The following CACNA1G variants were observed in gnomAD, a reference collection of about 807,000 sequenced individuals.
CACNA1G encodes voltage-dependent T-type calcium channel subunit alpha-1G.
Under a neutral mutation model 219.4 loss-of-function variants are expected in CACNA1G, and 67 were observed. The observed-to-expected ratio is 0.31, with a 90% CI of 0.25 to 0.37. The LOEUF is 0.37. CACNA1G is among the 10% of genes least tolerant of loss of function. The pLI is 1.00. For synonymous variants in CACNA1G, 1,296 were observed against 1,345.3 expected (o/e 0.96, Z 0.80); for missense variants, 2,380 against 3,231.4 (o/e 0.74, Z 6.39).
Position 50,575,991 on chromosome 17 carries a change from G to T in CACNA1G, c.1589G>T (p.Arg530Leu). 1 of 1,553,872 alleles carries T rather than the reference G, an allele frequency of 6.4e-7. No homozygotes were observed. ...EIQDRDANGS[R>L]RLMLPPPSTP... Reference sequence around the variant, plus strand: ...CAGGACAGGGATGCCAATGGGTCCCGCCGGCTCATGCTGCCACCACCCTCG... The same window carrying T: ...CAGGACAGGGATGCCAATGGGTCCCTCCGGCTCATGCTGCCACCACCCTCG... Residue 530 changes from arginine to leucine, a missense_variant, in exon 8 of 38, where the codon CGC (arginine) becomes CTC (leucine). Coordinates refer to ENST00000359106, the MANE Select transcript of CACNA1G (RefSeq NM_018896.5).
chr17:50,560,962 C>G lies in CACNA1G; in HGVS notation c.-498C>G. The G allele has an allele frequency of 4.7e-6, 1 of 215,008 alleles. No individual in the cohort carries two copies. The highest frequency in any genetic ancestry group is 4.1e-5 in the South Asian group (1 of 24,136). 13.3% of individuals were successfully genotyped at this position (215,008 alleles called of 1,614,324 possible). On this transcript the variant is annotated 5_prime_UTR_variant, in exon 1 of 38. In the 5' UTR this introduces an upstream ATG that the reference lacks. Transcript: ENST00000359106. ...CCTCCAAGCCCACCCCTAAAGAGAT[C>G]CCTCCTCCCCTCCCCCGCCGCCTGG...
At chr17:50,576,653 T>C (rs562822287) in intron 8 of CACNA1G, among the ~76,000 whole-genome samples, 2 of 152,346 alleles carry the variant, frequency 1.3e-5, no homozygotes, top group South Asian at 2.1e-4. Context: ...CAAAATTCCA[T>C]TGGATCCTCT....
Position 50,578,116 on chromosome 17 carries a change from C to T in CACNA1G, c.1925-72C>T, listed in dbSNP as rs572413588. ...ACCCCAGACTCCCTGACTCATTTTA[C>T]ACATACTCACAGGGCAGGGTAGCCC... On this transcript the variant is annotated intron_variant, in intron 8 of 37. Transcript: ENST00000359106. The surrounding 1 kb of genome is among the most constrained non-coding windows in gnomAD (Gnocchi z 4.5). 5 of 1,476,634 alleles carry T rather than the reference C, an allele frequency of 3.4e-6. No homozygotes were observed. In the East Asian group the frequency reaches 9.2e-5, roughly 27 times the overall value. 91.5% of individuals were successfully genotyped at this position (1,476,634 alleles called of 1,614,324 possible).
rs527691624 is a variant in CACNA1G at position 50,576,048 on chromosome 17, G to A, written c.1646G>A (p.Gly549Asp). 12 of 1,576,198 alleles carry A rather than the reference G, an allele frequency of 7.6e-6. No individual in the cohort carries two copies. The highest frequency in any genetic ancestry group is 1.8e-5 in the Admixed American group (1 of 54,996). The part of the protein sequence containing the change: ...TPALSGAPPG[G>D]AESVHSFYHA... Reference sequence around the variant, plus strand: ...GCCCTCTCCGGGGCCCCCCCTGGTGGCGCAGAGTCTGTGCACAGCTTCTAC... The same window carrying A: ...GCCCTCTCCGGGGCCCCCCCTGGTGACGCAGAGTCTGTGCACAGCTTCTAC... The change falls in exon 8 of 38, where the codon GGC becomes GAC. Residue 549 changes from glycine (G) to aspartate (D), a missense_variant. This residue lies in a region of CACNA1G where 434 missense variants were observed against 417.3 expected (regional missense o/e 1.04). Transcript: ENST00000359106.
chr17:50,568,338 C>T (rs1598032697), intron 1 of CACNA1G, among the ~76,000 whole-genome samples: 1 of 152,118 alleles, frequency 6.6e-6, no homozygotes, highest in African/African-American at 2.4e-5. Context: ...TCAACTTCCT[C>T]GAGTTCTGGG....
intron 9 of CACNA1G, among the ~76,000 whole-genome samples, chr17:50,579,635 G>A (rs1272838020): frequency 4.6e-5 from 7 of 152,116 alleles, no homozygotes; most frequent in Non-Finnish European, 7.4e-5. Context: ...TGTTCTCCTG[G>A]GTGTTCTGGC....
At position 50,578,638 on chromosome 17, in the gene CACNA1G, G is replaced by T; in HGVS notation, c.2301+74G>T. The T allele has an allele frequency of 1.4e-6, 2 of 1,413,412 alleles. No individual in the cohort carries two copies. The highest frequency in any genetic ancestry group is 1.4e-5 in the South Asian group (1 of 69,856). The allele number at this position is 1,413,412 out of a possible 1,614,324, so 87.6% of individuals were successfully genotyped here. A position where few individuals can be genotyped will look rare whatever the true frequency, so the allele number is the denominator to read the frequency against. On this transcript the variant is annotated intron_variant, in intron 9 of 37. Transcript: ENST00000359106. This position sits in a 1 kb window ranked among gnomAD's most constrained non-coding sequence, Gnocchi z 4.5. Reference sequence around the variant, plus strand: ...GGGCTGGGGCCTTCTACCTCCCTCCGCACCCCTCCTCCTGAGCTCAGCTTC... The same window carrying T: ...GGGCTGGGGCCTTCTACCTCCCTCCTCACCCCTCCTCCTGAGCTCAGCTTC...
At position 50,596,835 on chromosome 17, in the gene CACNA1G, G is replaced by A. The variant is rs1389068222; in HGVS notation, c.3170G>A (p.Gly1057Asp). The change falls in exon 16 of 38, where the codon GGC (glycine) becomes GAC (aspartate). Residue 1057 changes from glycine to aspartate, a missense_variant. Physicochemically the swap from Gly to Asp is moderately conservative, Grantham distance 94. Coordinates refer to ENST00000359106, the MANE Select transcript of CACNA1G (RefSeq NM_018896.5). The surrounding 1 kb of genome is among the most constrained non-coding windows in gnomAD (Gnocchi z 4.8). The stretch of plus-strand genomic sequence containing the variant: ...TCGCTGCCCAAGAGCACCAGCACGG[G>A]CCTGGGCGAGGCGCTGGGCCCTGCG... ...PMSLPKSTST[G>D]LGEALGPASR... The A allele has an allele frequency of 4.4e-6, 7 of 1,607,188 alleles. No individual in the cohort carries two copies. Among genetic ancestry groups the A allele is most frequent in the Non-Finnish European group, 5.9e-6 (7 of 1,177,990 alleles).
intron 9 of CACNA1G, 142 bp from the exon 10 acceptor site, chr17:50,590,329 C>T: frequency 1.1e-6 from 1 of 927,062 alleles, no homozygotes; most frequent in Non-Finnish European, 1.6e-6. Flanking sequence ...CAGGGTCCTC[C>T]CCATGGGCCT....
At position 50,618,049 on chromosome 17, in the gene CACNA1G, T is replaced by C. The variant is rs1158547682; in HGVS notation, c.5228T>C (p.Val1743Ala). ...LDTVMQALPQVGNLGLLFMLL... is the reference protein window; with the variant it reads ...LDTVMQALPQAGNLGLLFMLL... The stretch of plus-strand genomic sequence containing the variant: ...TCTATTTCTTCTCCTTTTTTCCAGG[T>C]GGGGAACCTGGGACTTCTCTTCATG... The change falls in exon 31 of 38, where the codon GTG becomes GCG. Residue 1743 changes from valine to alanine, a missense_variant and splice_region_variant. Around this residue, in one of 17 missense-constraint regions of CACNA1G, gnomAD observed 123 missense variants for 258.4 expected, o/e 0.48. Transcript: ENST00000359106. This position sits in a 1 kb window ranked among gnomAD's most constrained non-coding sequence, Gnocchi z 5.3. 2.5e-6 allele frequency: 4 copies of C among 1,613,862 alleles called. No homozygotes were observed. Among genetic ancestry groups the C allele is most frequent in the Non-Finnish European group, 3.4e-6 (4 of 1,179,846 alleles).
Position 50,626,838 on chromosome 17 carries a change from C to T in CACNA1G, c.*87C>T. The T allele has an allele frequency of 6.4e-7, 1 of 1,557,008 alleles. No homozygotes were observed. The highest frequency in any genetic ancestry group is 8.9e-7 in the Non-Finnish European group (1 of 1,129,574). On this transcript the variant is annotated 3_prime_UTR_variant, in exon 38 of 38. Coordinates refer to ENST00000359106, the MANE Select transcript of CACNA1G (RefSeq NM_018896.5). This position sits in a 1 kb window ranked among gnomAD's most constrained non-coding sequence, Gnocchi z 4.3. ...TGGGCTATATTCCTGACAAAAGTTCCATATAGACACCAAGGAGGCGGAGGC... is the reference window on the plus strand; with the variant it reads ...TGGGCTATATTCCTGACAAAAGTTCTATATAGACACCAAGGAGGCGGAGGC...
In CACNA1G at chr17:50,604,255, A is replaced by T; in HGVS notation, c.4270A>T (p.Ile1424Phe). ...TGTAGTCATCTGCTGTGCCTTCTTC[A>T]TCATTTTCGGCATCTTGGGGGTGCA... ...NIVVICCAFF[I>F]IFGILGVQLF... is the part of the protein sequence containing the mutation. Residue 1424 changes from isoleucine (I) to phenylalanine (F), a missense_variant, in exon 22 of 38, where the codon ATC (isoleucine) becomes TTC (phenylalanine). Ile to Phe is a conservative substitution (Grantham distance 21, BLOSUM62 0). This residue lies in a region of CACNA1G where 153 missense variants were observed against 374.9 expected (regional missense o/e 0.41). Coordinates refer to ENST00000359106, the MANE Select transcript of CACNA1G (RefSeq NM_018896.5). The T allele has an allele frequency of 6.2e-7, 1 of 1,613,534 alleles. No individual in the cohort carries two copies. Among genetic ancestry groups the T allele is most frequent in the Non-Finnish European group, 8.5e-7 (1 of 1,179,560 alleles).
At chr17:50,588,415 G>A (rs1011172603) in intron 9 of CACNA1G, among the ~76,000 whole-genome samples, 2 of 52,856 alleles carry the variant, frequency 3.8e-5, no homozygotes, top group East Asian at 6.9e-3. Context: ...CCGAAAACAC[G>A]GCGAGTGGCA....
At chr17:50,610,199 C>T (rs2048919445) in intron 26 of CACNA1G, among the ~76,000 whole-genome samples, 1 of 152,234 alleles carries the variant, frequency 6.6e-6, no homozygotes. Flanking sequence ...CCAAGCTCCC[C>T]ACCTCCTGCC....
In CACNA1G at chr17:50,596,854, C is replaced by A; in HGVS notation, c.3189C>A (p.Gly1063=). The A allele has an allele frequency of 6.3e-7, 1 of 1,599,668 alleles. No homozygotes were observed. The highest frequency in any genetic ancestry group is 8.5e-7 in the Non-Finnish European group (1 of 1,174,072). The change falls in exon 16 of 38, where the codon GGC becomes GGA. Residue 1063 remains glycine (G), a synonymous_variant. Transcript: ENST00000359106. The surrounding 1 kb of genome is among the most constrained non-coding windows in gnomAD (Gnocchi z 4.8). ...STSTGLGEAL[G]PASRRTSSSG... is the part of the protein sequence containing the mutation. ...GCACGGGCCTGGGCGAGGCGCTGGG[C>A]CCTGCGTCGCGCCGCACCAGCAGCA...
chr17:50,624,647 C>T (rs1405952446), intron 37 of CACNA1G, 118 bp downstream of exon 37: 1 of 1,073,304 alleles, frequency 9.3e-7, no homozygotes, highest in Non-Finnish European at 1.3e-6. Context: ...CAGTGATGTG[C>T]CAGGCTCAGT....
Position 50,572,824 on chromosome 17 carries a change from C to T in CACNA1G, c.1017C>T (p.Asn339=). ...NPFKGAINFD[N]IGYAWIAIFQ... ...TCAAGGGCGCCATCAACTTTGACAA[C>T]ATTGGCTATGCCTGGATCGCCATCT... Residue 339 remains asparagine, a synonymous_variant, in exon 6 of 38, where the codon AAC becomes AAT. Transcript: ENST00000359106. 1 of 1,613,788 alleles carries T rather than the reference C, an allele frequency of 6.2e-7. No homozygotes were observed.
rs915797423 is a variant in CACNA1G, at chr17:50,561,084, C to T, written c.-376C>T. ...CCCGGACCCCCGCCCTCCGCCGCTG[C>T]CCCCCTTTTCGTTCGCCCTCTCGGG... On this transcript the variant is annotated 5_prime_UTR_variant, in exon 1 of 38. Transcript: ENST00000359106. 3 of 432,638 alleles carry T rather than the reference C, an allele frequency of 6.9e-6. No individual in the cohort carries two copies. Among genetic ancestry groups the T allele is most frequent in the Non-Finnish European group, 1.4e-5 (3 of 221,976 alleles). 26.8% of individuals were successfully genotyped at this position (432,638 alleles called of 1,614,324 possible).
rs376198823 is a variant in CACNA1G, at chr17:50,626,431, G to A, written c.6814G>A (p.Val2272Ile). The A allele has an allele frequency of 3.7e-6, 6 of 1,608,034 alleles. No homozygotes were observed. The highest frequency in any genetic ancestry group is 3.3e-5 in the South Asian group (3 of 90,286). ...LDEQRRHSIA[V>I]SCLDSGSQPH... ...TGAGCAGAGGAGACACTCTATCGCC[G>A]TCAGCTGCCTGGACAGCGGCTCCCA... Residue 2272 changes from valine (V) to isoleucine (I), a missense_variant, in exon 38 of 38, where the codon GTC becomes ATC. Coordinates refer to ENST00000359106, the MANE Select transcript of CACNA1G (RefSeq NM_018896.5). This position sits in a 1 kb window ranked among gnomAD's most constrained non-coding sequence, Gnocchi z 4.3.
Sources: allele counts gnomAD v4.1 joint callset (sites outside exome capture counted in the v4.1 genomes callset), GRCh38; gene constraint gnomAD v4.1.1; regional missense constraint gnomAD v4.1.1; non-coding constraint Gnocchi (gnomAD v3.1); transcripts MANE v1.5; gene names NCBI Gene and HGNC (gene_info 2026-07-23, HGNC 2026-07-21).